The following KHDRBS2 variants were observed in gnomAD, a reference collection of about 807,000 sequenced individuals.
KHDRBS2 encodes the protein KH domain-containing, RNA-binding, signal transduction-associated protein 2.
In KHDRBS2, 26 loss-of-function variants were observed where a neutral mutation model predicts 44.3. That is an observed-to-expected ratio of 0.59 (90% CI 0.43 to 0.81). KHDRBS2 has a LOEUF of 0.81. Among genes scored for constraint, KHDRBS2 ranks in the 40% least tolerant of loss-of-function variants. The probability of loss-of-function intolerance (pLI) is 0.00; values close to 1 mark genes in which losing one functional copy is unlikely to be tolerated. For synonymous variants in KHDRBS2, 194 were observed against 151.1 expected (o/e 1.28, Z -2.08); for missense variants, 476 against 433.1 (o/e 1.10, Z -0.88).
chr6:61,966,854 A>C (rs1770066297), intron 4 of KHDRBS2, among the ~76,000 whole-genome samples: 1 of 151,798 alleles, frequency 6.6e-6, no homozygotes, highest in Non-Finnish European at 1.5e-5. Context: ...GCACTTAGAG[A>C]AAACCTCTCC....
the KHDRBS2 span, among the ~76,000 whole-genome samples, chr6:61,562,308 A>G: frequency 6.6e-6 from 1 of 152,172 alleles, no homozygotes; most frequent in Non-Finnish European, 1.5e-5. Context: ...GACTTTGGTA[A>G]GTTATGCAAC....
At chr6:61,744,519 C>A (rs1210291405) in intron 6 of KHDRBS2, among the ~76,000 whole-genome samples, 4 of 152,048 alleles carry the variant, frequency 2.6e-5, no homozygotes, top group Non-Finnish European at 5.9e-5. Context: ...CACAAGGATG[C>A]TCAGGATCCA....
chr6:61,997,852 A>T (rs998808), intron 3 of KHDRBS2, among the ~76,000 whole-genome samples: 110,949 of 152,014 alleles, frequency 0.73, 41,231 homozygotes, highest in East Asian at 0.81. Flanking sequence ...CGATTCTATA[A>T]GAAATGTACA....
At position 62,207,562 on chromosome 6, in the gene KHDRBS2, A is replaced by C. The variant is rs560973654; in HGVS notation, c.92-30250T>G. Among the ~76,000 whole-genome samples, 315 of 152,240 alleles carry C rather than the reference A, an allele frequency of 2.1e-3. 1 individual carries two copies. The highest frequency in any genetic ancestry group is 7.1e-3 in the African/African-American group (296 of 41,566). On this transcript the variant is annotated intron_variant, in intron 1 of 8. Coordinates refer to ENST00000281156, the MANE Select transcript of KHDRBS2 (RefSeq NM_152688.4). ...AAATCCATGTGAATTTTAAGTTCAA[A>C]AAACTTGCAACTAATAAAAGATACA... is the stretch of plus-strand genomic sequence containing the variant.
intron 2 of KHDRBS2, among the ~76,000 whole-genome samples, chr6:62,167,778 C>A (rs1429728100): frequency 6.6e-6 from 1 of 152,060 alleles, no homozygotes; most frequent in African/African-American, 2.4e-5. Context: ...TTCTGAAAAA[C>A]CATATTGCTT....
At chr6:61,885,244 A>G (rs907451985) in intron 6 of KHDRBS2, among the ~76,000 whole-genome samples, 4 of 145,142 alleles carry the variant, frequency 2.8e-5, no homozygotes, top group Non-Finnish European at 4.5e-5. Flanking sequence ...TGGTTGATAG[A>G]AAAAAAAAAG....
intron 2 of KHDRBS2, among the ~76,000 whole-genome samples, chr6:62,052,543 A>T (rs1789300289): frequency 6.8e-6 from 1 of 146,788 alleles, no homozygotes; most frequent in Non-Finnish European, 1.5e-5. Flanking sequence ...GTACACTGGC[A>T]ATCCTCAACC....
chr6:62,232,823 A>T (rs1833096881), intron 1 of KHDRBS2, among the ~76,000 whole-genome samples: 1 of 152,154 alleles, frequency 6.6e-6, no homozygotes. Flanking sequence ...AATGGTAATT[A>T]TTTGACATTT....
At chr6:61,767,548 T>A (rs1780195345) in intron 6 of KHDRBS2, among the ~76,000 whole-genome samples, 1 of 152,078 alleles carries the variant, frequency 6.6e-6, no homozygotes, top group East Asian at 1.9e-4. Context: ...TCACCCACCT[T>A]CCTATTTTCC....
In KHDRBS2 at chr6:62,091,611, A is replaced by G. The variant is rs550411702; in HGVS notation, c.220-43617T>C. ...TTGGCTGACAGAATTACCAACAAAT[A>G]ATAGATTTCAAATTTTCACAACATT... On this transcript the variant is annotated intron_variant, in intron 2 of 8. Transcript: ENST00000281156. Among the ~76,000 whole-genome samples, 6 of 152,274 alleles carry G rather than the reference A, an allele frequency of 3.9e-5. No homozygotes were observed. In the South Asian group the frequency reaches 1.2e-3, roughly 32 times the overall value.
At chr6:62,246,743 T>C (rs1835644980) in intron 1 of KHDRBS2, among the ~76,000 whole-genome samples, 1 of 152,030 alleles carries the variant, frequency 6.6e-6, no homozygotes, top group Non-Finnish European at 1.5e-5. Context: ...AGATATTTTT[T>C]CCTAATTTGG....
intron 4 of KHDRBS2, among the ~76,000 whole-genome samples, chr6:61,909,766 C>G (rs1004428063): frequency 6.6e-6 from 1 of 152,168 alleles, no homozygotes; most frequent in Non-Finnish European, 1.5e-5. Flanking sequence ...GCATTTTGCC[C>G]AAATACAAAT....
intron 1 of KHDRBS2, among the ~76,000 whole-genome samples, chr6:62,214,211 T>G (rs2150147347): frequency 6.6e-6 from 1 of 152,306 alleles, no homozygotes; most frequent in African/African-American, 2.4e-5. Flanking sequence ...ATGTTGTGAC[T>G]GCTGATATAC....
intron 1 of KHDRBS2, among the ~76,000 whole-genome samples, chr6:62,189,377 T>G (rs1824128674): frequency 6.6e-6 from 1 of 152,014 alleles, no homozygotes; most frequent in Admixed American, 6.6e-5. Flanking sequence ...CTTTCACTTC[T>G]TAAGAGACTC....
chr6:61,955,772 C>T (rs1320171566), intron 4 of KHDRBS2, among the ~76,000 whole-genome samples: 5 of 151,620 alleles, frequency 3.3e-5, no homozygotes, highest in Admixed American at 1.3e-4. Flanking sequence ...AGAATGTAAC[C>T]ACTGGCATTT....
chr6:61,910,775 A>G (rs1452037840), intron 4 of KHDRBS2, among the ~76,000 whole-genome samples: 1 of 152,224 alleles, frequency 6.6e-6, no homozygotes, highest in Non-Finnish European at 1.5e-5. Context: ...AATTCAGGAT[A>G]GTAGATAAAT....
intron 6 of KHDRBS2, among the ~76,000 whole-genome samples, chr6:61,865,442 C>T (rs1797635782): frequency 1.3e-5 from 2 of 152,098 alleles, no homozygotes; most frequent in African/African-American, 4.8e-5. Context: ...AAAGCTTGAG[C>T]AGGGGAACTC....
chr6:61,766,495 C>T (rs1780029645), intron 6 of KHDRBS2, among the ~76,000 whole-genome samples: 1 of 151,454 alleles, frequency 6.6e-6, no homozygotes, highest in East Asian at 1.9e-4. Context: ...ATTATTTCTT[C>T]TACTAATTTT....
At chr6:62,253,838 T>C (rs1287974811) in intron 1 of KHDRBS2, among the ~76,000 whole-genome samples, 1 of 152,044 alleles carries the variant, frequency 6.6e-6, no homozygotes, top group Non-Finnish European at 1.5e-5. Context: ...AGCATTATTA[T>C]TGCAAAATCA....
Sources: gnomAD v4.1 joint callset for allele counts (sites outside exome capture counted in the v4.1 genomes callset) on GRCh38, gnomAD v4.1.1 for gene constraint, MANE v1.5 for transcripts, NCBI Gene and HGNC (gene_info 2026-07-23, HGNC 2026-07-21) for gene names.